The following TRAPPC12 variants were observed in gnomAD, a reference collection of about 807,000 sequenced individuals.
The protein encoded by TRAPPC12 is TPR repeat protein 15.
A neutral mutation model predicts 69.2 loss-of-function variants in TRAPPC12; 61 were observed. That is an observed-to-expected ratio of 0.88 (90% CI 0.72 to 1.09). TRAPPC12 has a LOEUF of 1.09. TRAPPC12 is among the 50% of genes least tolerant of loss of function. The pLI is 0.00. For missense variants in TRAPPC12, 1,101 were observed against 1,016.4 expected (o/e 1.08, Z -1.13); for synonymous variants, 469 against 438.9 (o/e 1.07, Z -0.86).
chr2:3,421,433 TAG>T (rs1318349149), intron 3 of TRAPPC12, among the ~76,000 whole-genome samples: 3 of 152,394 alleles, frequency 2.0e-5, no homozygotes, highest in East Asian at 3.9e-4. Context: ...CCAGTTATTT[TAG>T]AGTCATATGC....
chr2:3,439,571 T>C (rs1256427183), intron 5 of TRAPPC12, among the ~76,000 whole-genome samples: 2 of 152,234 alleles, frequency 1.3e-5, no homozygotes, highest in African/African-American at 4.8e-5. Context: ...GAATTCTTCA[T>C]ATATGTTGAA....
intron 9 of TRAPPC12, among the ~76,000 whole-genome samples, chr2:3,469,654 C>T (rs1486502445): frequency 2.0e-5 from 3 of 152,214 alleles, no homozygotes; most frequent in Non-Finnish European, 2.9e-5. Context: ...GTCCCCCACA[C>T]GGCCTCCTGC....
chr2:3,463,524 T>C (rs1665628673), intron 8 of TRAPPC12, among the ~76,000 whole-genome samples: 1 of 150,830 alleles, frequency 6.6e-6, no homozygotes, highest in African/African-American at 2.4e-5. Context: ...TAACTTCCCA[T>C]CAAAGAGCAT....
intron 5 of TRAPPC12, 173 bp from the exon 6 acceptor site, chr2:3,443,606 T>C (rs577042134): frequency 1.1e-5 from 7 of 646,406 alleles, no homozygotes; most frequent in East Asian, 2.8e-5. Flanking sequence ...TAGAGCTCCA[T>C]AGAGAAAACC....
chr2:3,478,790 G>C, intron 10 of TRAPPC12, 56 bp from the exon 11 acceptor site: 7 of 1,511,012 alleles, frequency 4.6e-6, no homozygotes, highest in Non-Finnish European at 6.4e-6. Context: ...GGTTGTGTTG[G>C]GGGACAGCAG....
chr2:3,406,543 A>G (rs1240540108), intron 3 of TRAPPC12, among the ~76,000 whole-genome samples: 1 of 152,228 alleles, frequency 6.6e-6, no homozygotes, highest in East Asian at 1.9e-4. Context: ...AGCTTTGGAG[A>G]GGAGAGAGAT....
chr2:3,407,628 C>T (rs1199120924), intron 3 of TRAPPC12, among the ~76,000 whole-genome samples: 1 of 151,946 alleles, frequency 6.6e-6, no homozygotes, highest in Non-Finnish European at 1.5e-5. Context: ...CGGTGAAACC[C>T]CATCTCTACT....
Position 3,419,615 on chromosome 2 carries a change from C to G in TRAPPC12, c.1165-2266C>G, listed in dbSNP as rs143337731. ...AAGAAAACCACAGACTCCAACTGCA[C>G]TGTGTACGCTCTGGTGTCCTCATTT... On this transcript the variant is annotated intron_variant, in intron 3 of 11. Coordinates refer to ENST00000324266, the MANE Select transcript of TRAPPC12 (RefSeq NM_016030.6). Among the ~76,000 whole-genome samples, 78 of 147,564 alleles carry G rather than the reference C, an allele frequency of 5.3e-4. No individual in the cohort carries two copies. In the Middle Eastern group the frequency reaches 0.011, roughly 20 times the overall value.
chr2:3,387,594 G>C, intron 1 of TRAPPC12, 26 bp from the exon 2 acceptor site: 1 of 1,490,378 alleles, frequency 6.7e-7, no homozygotes. Context: ...CACGCTCAGG[G>C]GCCTTCTCTC....
At chr2:3,410,057 T>TTTGTGTTA (rs1232093143) in intron 3 of TRAPPC12, among the ~76,000 whole-genome samples, 4 of 152,184 alleles carry the variant, frequency 2.6e-5, no homozygotes, top group African/African-American at 9.7e-5. Context: ...CACGTGCTCT[T>TTTGTGTTA]TTGTGTTATC....
chr2:3,460,209 C>G (rs1351999192), intron 7 of TRAPPC12, 54 bp from the exon 8 acceptor site: 1 of 870,502 alleles, frequency 1.1e-6, no homozygotes, highest in South Asian at 1.3e-5. Flanking sequence ...TAATTGAGGG[C>G]TAGAAAGAGC....
intron 1 of TRAPPC12, among the ~76,000 whole-genome samples, chr2:3,380,799 C>G (rs1227970201): frequency 6.6e-6 from 1 of 152,206 alleles, no homozygotes; most frequent in Non-Finnish European, 1.5e-5. Flanking sequence ...ATGATAATTA[C>G]TATGCTTGTG....
At chr2:3,456,287 C>G (rs1009156300) in intron 6 of TRAPPC12, 1 of 152,032 alleles carries the variant, frequency 6.6e-6, no homozygotes. Flanking sequence ...AGGTAGAGAC[C>G]GGGGAGTCGG....
intron 9 of TRAPPC12, among the ~76,000 whole-genome samples, chr2:3,471,295 T>G (rs961550531): frequency 1.2e-4 from 18 of 152,236 alleles, no homozygotes; most frequent in African/African-American, 4.1e-4. Context: ...CTGGAAACCC[T>G]GGCTCAAATT....
intron 5 of TRAPPC12, among the ~76,000 whole-genome samples, chr2:3,441,963 T>A (rs1664234159): frequency 6.6e-6 from 1 of 152,222 alleles, no homozygotes; most frequent in Non-Finnish European, 1.5e-5. Flanking sequence ...TGGGCAGTTG[T>A]CAGGATAAGG....
At chr2:3,388,904 G>C (rs1251470107) in intron 2 of TRAPPC12, 2 of 459,350 alleles carry the variant, frequency 4.4e-6, no homozygotes, top group Non-Finnish European at 7.6e-6. Flanking sequence ...ATACCACCAA[G>C]GCAGACAGTT....
chr2:3,469,078 G>C (rs1449687491), intron 9 of TRAPPC12, among the ~76,000 whole-genome samples: 1 of 152,226 alleles, frequency 6.6e-6, no homozygotes, highest in Non-Finnish European at 1.5e-5. Context: ...AGCGCTCAAT[G>C]CCTACTTTAA....
At chr2:3,398,023 T>G (rs1558348248) in intron 2 of TRAPPC12, among the ~76,000 whole-genome samples, 1 of 152,220 alleles carries the variant, frequency 6.6e-6, no homozygotes, top group Non-Finnish European at 1.5e-5. Context: ...CTGAGCAATG[T>G]TGCAGTTGTT....
At chr2:3,428,413 GC>G (rs1229966625) in intron 5 of TRAPPC12, among the ~76,000 whole-genome samples, 1 of 152,088 alleles carries the variant, frequency 6.6e-6, no homozygotes, top group African/African-American at 2.4e-5. Context: ...ATTTTCGCTT[GC>G]AATATATAAG....
Sources: allele counts gnomAD v4.1 joint callset (sites outside exome capture counted in the v4.1 genomes callset), GRCh38; gene constraint gnomAD v4.1.1; transcripts MANE v1.5; gene names NCBI Gene and HGNC (gene_info 2026-07-23, HGNC 2026-07-21).